EMILIN2: variants seen among roughly 807,000 people sequenced by gnomAD.
EMILIN2 encodes the protein elastin microfibril interfacer 2.
Under a neutral mutation model 87.1 loss-of-function variants are expected in EMILIN2, and 71 were observed. The observed-to-expected ratio is 0.82, with a 90% CI of 0.67 to 0.99. EMILIN2 has a LOEUF of 0.99. Among genes scored for constraint, EMILIN2 ranks in the 50% least tolerant of loss-of-function variants. The probability of loss-of-function intolerance (pLI) is 0.00; values close to 1 mark genes in which losing one functional copy is unlikely to be tolerated. For missense variants in EMILIN2, 1,407 were observed against 1,371.8 expected (o/e 1.03, Z -0.40); for synonymous variants, 581 against 563.4 (o/e 1.03, Z -0.44).
chr18:2,905,255 C>A (rs983541760), intron 4 of EMILIN2, among the ~76,000 whole-genome samples: 3 of 122,578 alleles, frequency 2.4e-5, no homozygotes, highest in African/African-American at 9.6e-5. Context: ...GTTGGAGAAA[C>A]TGCCTCTCTC....
chr18:2,907,063 AGAAGGCTTCGCG>A lies in EMILIN2; in HGVS notation c.2642_2653del (p.Glu881_Ala884del), dbSNP rs1302399918. On this transcript the variant is annotated inframe_deletion, in exon 5 of 8. Transcript: ENST00000254528. Reference sequence around the variant, plus strand: ...CCGGGAGCGGCACCGTCCCCGGCGCAGAAGGCTTCGCGGGCGCACCAGGTGAGGCCCGGGGCT... The same window carrying A: ...CCGGGAGCGGCACCGTCCCCGGCGCAGGCGCACCAGGTGAGGCCCGGGGCT... 2.4e-6 allele frequency: 3 copies of A among 1,257,980 alleles called. No individual in the cohort carries two copies. 77.9% of individuals were successfully genotyped at this position (1,257,980 alleles called of 1,614,324 possible). A position where few individuals can be genotyped will look rare whatever the true frequency, so the allele number is the denominator to read the frequency against.
intron 2 of EMILIN2, among the ~76,000 whole-genome samples, chr18:2,879,522 G>T (rs981267489): frequency 1.3e-5 from 2 of 151,826 alleles, no homozygotes; most frequent in South Asian, 2.1e-4. Flanking sequence ...TTAGCCAGGC[G>T]TGGTGGCACA....
chr18:2,912,413 G>C (rs1419576742), intron 7 of EMILIN2, among the ~76,000 whole-genome samples: 1 of 152,158 alleles, frequency 6.6e-6, no homozygotes, highest in African/African-American at 2.4e-5. Context: ...GGCAAGGTCC[G>C]ATGTCTGCTG....
chr18:2,868,321 A>G (rs1300024025), intron 2 of EMILIN2, among the ~76,000 whole-genome samples: 3 of 146,428 alleles, frequency 2.0e-5, no homozygotes, highest in East Asian at 4.1e-4. Flanking sequence ...CAGACTGGGC[A>G]GCCAGGCAGA....
chr18:2,892,251 T>A lies in EMILIN2; in HGVS notation c.2124T>A (p.His708Gln). ...CCATGGTGGAGGGCAGGGTGTCTCA[T>A]ATGGAGAAAACTTGCAGCAAGCTGG... ...EVSMVEGRVS[H>Q]MEKTCSKLDS... Residue 708 changes from histidine to glutamine, a missense_variant, in exon 4 of 8, where the codon CAT becomes CAA. Transcript: ENST00000254528. The A allele has an allele frequency of 6.2e-7, 1 of 1,613,718 alleles. No individual in the cohort carries two copies. The highest frequency in any genetic ancestry group is 8.5e-7 in the Non-Finnish European group (1 of 1,179,734).
At chr18:2,873,341 C>A (rs568061950) in intron 2 of EMILIN2, among the ~76,000 whole-genome samples, 1 of 152,262 alleles carries the variant, frequency 6.6e-6, no homozygotes, top group African/African-American at 2.4e-5. Flanking sequence ...ACCCAGGAGG[C>A]AGAGATTGCA....
In EMILIN2 at chr18:2,885,107, C is replaced by A; in HGVS notation, c.401C>A (p.Ala134Asp). Residue 134 changes from alanine to aspartate, a missense_variant, in exon 3 of 8, where the codon GCT (alanine) becomes GAT (aspartate). Physicochemically the swap from Ala to Asp is moderately radical, Grantham distance 126 (BLOSUM62 -2). Coordinates refer to ENST00000254528, the MANE Select transcript of EMILIN2 (RefSeq NM_032048.3). ...DPVKTLRPTP[A>D]RPRNSLKKAT... ...GTGAAGACCCTCCGCCCCACGCCGG[C>A]TCGGCCTCGAAACAGCTTGAAGAAA... 6.2e-7 allele frequency: 1 copy of A among 1,610,680 alleles called. No individual in the cohort carries two copies. Among genetic ancestry groups the A allele is most frequent in the Non-Finnish European group, 8.5e-7 (1 of 1,178,826 alleles).
chr18:2,914,415 G>A lies in EMILIN2; in HGVS notation c.*1011G>A, dbSNP rs1377912131. ...CAATCTCCAGCAGACACAGCTCGCC[G>A]AGCTCTTGGGTTTCTAAGCAGCAGG... is the stretch of plus-strand genomic sequence containing the variant. On this transcript the variant is annotated 3_prime_UTR_variant, in exon 8 of 8. Coordinates refer to ENST00000254528, the MANE Select transcript of EMILIN2 (RefSeq NM_032048.3). 2.0e-5 allele frequency: 3 copies of A among 152,142 alleles called. No homozygotes were observed. The highest frequency in any genetic ancestry group is 4.1e-4 in the South Asian group (2 of 4,824). 9.4% of individuals were successfully genotyped at this position (152,142 alleles called of 1,614,324 possible).
intron 4 of EMILIN2, among the ~76,000 whole-genome samples, chr18:2,901,572 C>T (rs528984670): frequency 4.9e-4 from 74 of 152,344 alleles, no homozygotes; most frequent in Non-Finnish European, 9.0e-4. Context: ...CTACCCGACC[C>T]GTGCGGAGTG....
rs929064586 is a variant in EMILIN2 at position 2,906,916 on chromosome 18, C to T, written c.2493C>T (p.Pro831=). 46 of 1,395,554 alleles carry T rather than the reference C, an allele frequency of 3.3e-5. No homozygotes were observed. Among genetic ancestry groups the T allele is most frequent in the Non-Finnish European group, 3.9e-5 (42 of 1,072,204 alleles). 86.4% of individuals were successfully genotyped at this position (1,395,554 alleles called of 1,614,324 possible). The change falls in exon 5 of 8, where the codon CCC becomes CCT. Residue 831 remains proline (P), a synonymous_variant. Transcript: ENST00000254528. ...GGCCCGTCCTGCCCCAGCGGCCCCCCGAGGAGAGGCCGCCCCAGCCGCCAG... is the reference window on the plus strand; with the variant it reads ...GGCCCGTCCTGCCCCAGCGGCCCCCTGAGGAGAGGCCGCCCCAGCCGCCAG... ...GRRPVLPQRP[P]EERPPQPPGS... is the part of the protein sequence containing the mutation.
intron 2 of EMILIN2, among the ~76,000 whole-genome samples, chr18:2,869,289 AAAAG>A: frequency 6.6e-6 from 1 of 152,336 alleles, no homozygotes; most frequent in East Asian, 1.9e-4. Context: ...TTAAAAAAAA[AAAAG>A]CTTAATTGAA....
chr18:2,909,153 C>T lies in EMILIN2; in HGVS notation c.2695+178C>T, dbSNP rs560793382. Reference sequence around the variant, plus strand: ...TGCTGACTATAGTGGACCAAATTCCCCAAGGTTTGCTCCCCAGAGAGGGTC... The same window carrying T: ...TGCTGACTATAGTGGACCAAATTCCTCAAGGTTTGCTCCCCAGAGAGGGTC... On this transcript the variant is annotated intron_variant, in intron 6 of 7. Transcript: ENST00000254528. Among the ~76,000 whole-genome samples, 6 of 152,296 alleles carry T rather than the reference C, an allele frequency of 3.9e-5. No individual in the cohort carries two copies. In the East Asian group the frequency reaches 1.2e-3, roughly 30 times the overall value.
chr18:2,888,969 T>G (rs1226539258), intron 3 of EMILIN2, among the ~76,000 whole-genome samples: 1 of 152,124 alleles, frequency 6.6e-6, no homozygotes, highest in Non-Finnish European at 1.5e-5. Context: ...TCCAATGTTT[T>G]CCAGTGTAAT....
chr18:2,887,831 G>T (rs754868674), intron 3 of EMILIN2, among the ~76,000 whole-genome samples: 6 of 152,102 alleles, frequency 3.9e-5, no homozygotes, highest in Non-Finnish European at 7.3e-5. Context: ...TAGAGACAGG[G>T]TCTTGCTCTG....
intron 2 of EMILIN2, among the ~76,000 whole-genome samples, chr18:2,858,585 A>ATG (rs2076643855): frequency 2.4e-5 from 2 of 83,840 alleles, no homozygotes; most frequent in Admixed American, 2.4e-4. Flanking sequence ...GTGTGTGTGT[A>ATG]TATATATATA....
intron 2 of EMILIN2, among the ~76,000 whole-genome samples, chr18:2,873,089 A>G (rs1331506050): frequency 6.6e-6 from 1 of 152,040 alleles, no homozygotes; most frequent in Non-Finnish European, 1.5e-5. Flanking sequence ...TTTTAAAGAA[A>G]TGGGAAGCAA....
chr18:2,864,121 C>T (rs185050640), intron 2 of EMILIN2, among the ~76,000 whole-genome samples: 1,930 of 152,256 alleles, frequency 0.013, 23 homozygotes, highest in South Asian at 0.036. Flanking sequence ...TGTCTCTGCA[C>T]ATGAGATGGG....
intron 2 of EMILIN2, among the ~76,000 whole-genome samples, chr18:2,860,082 G>A (rs1300604859): frequency 6.6e-6 from 1 of 151,996 alleles, no homozygotes; most frequent in Non-Finnish European, 1.5e-5. Flanking sequence ...AGAATTTTAG[G>A]ATTTTTTTCT....
Position 2,915,915 on chromosome 18 carries a change from A to G in EMILIN2, c.*2511A>G, listed in dbSNP as rs1400312379. ...ACTGTGACATCCCCTCCAAACCTCCATGTAACACTAACAAATGGCCTCATT... is the reference window on the plus strand; with the variant it reads ...ACTGTGACATCCCCTCCAAACCTCCGTGTAACACTAACAAATGGCCTCATT... On this transcript the variant is annotated 3_prime_UTR_variant, in exon 8 of 8. Transcript: ENST00000254528. 1 of 152,228 alleles carries G rather than the reference A, an allele frequency of 6.6e-6. No homozygotes were observed. Among genetic ancestry groups the G allele is most frequent in the East Asian group, 1.9e-4 (1 of 5,200 alleles). The allele number at this position is 152,228 out of a possible 1,614,324, so 9.4% of individuals were successfully genotyped here.
Sources: allele counts gnomAD v4.1 joint callset (sites outside exome capture counted in the v4.1 genomes callset), GRCh38; gene constraint gnomAD v4.1.1; transcripts MANE v1.5; gene names NCBI Gene and HGNC (gene_info 2026-07-23, HGNC 2026-07-21).